CAMTA1: variants seen among roughly 807,000 people sequenced by gnomAD.
The protein encoded by CAMTA1 is calmodulin binding transcription activator 1, also known as calmodulin-binding transcription activator 1.
CAMTA1 carries 27 observed loss-of-function variants against 170.9 expected under a neutral mutation model. The ratio of observed to expected loss-of-function variants is 0.16; its 90% confidence interval spans 0.12 to 0.22. The LOEUF is 0.22. CAMTA1 is among the 10% of genes least tolerant of loss of function. The probability of loss-of-function intolerance (pLI) is 1.00; values close to 1 mark genes in which losing one functional copy is unlikely to be tolerated. For missense variants in CAMTA1, 1,619 were observed against 2,217.2 expected (o/e 0.73, Z 5.42); for synonymous variants, 833 against 891.5 (o/e 0.93, Z 1.17).
intron 7 of CAMTA1, among the ~76,000 whole-genome samples, chr1:7,654,754 T>TACCC (rs1553235333): frequency 7.4e-6 from 1 of 135,232 alleles, no homozygotes; most frequent in African/African-American, 2.9e-5. Flanking sequence ...CACACACATA[T>TACCC]ACAAACACAC....
At chr1:7,059,789 G>C (rs1707928534) in intron 3 of CAMTA1, among the ~76,000 whole-genome samples, 4 of 152,124 alleles carry the variant, frequency 2.6e-5, no homozygotes, top group Admixed American at 2.0e-4. Context: ...GAATAGAAAT[G>C]GTGGTATTTA....
chr1:7,116,873 C>T (rs1573191984), intron 4 of CAMTA1, among the ~76,000 whole-genome samples: 1 of 151,610 alleles, frequency 6.6e-6, no homozygotes, highest in Non-Finnish European at 1.5e-5. Flanking sequence ...AGGATGGTCT[C>T]GATCTCCTGA....
At chr1:7,068,050 C>A (rs1268547307) in intron 3 of CAMTA1, among the ~76,000 whole-genome samples, 1 of 152,188 alleles carries the variant, frequency 6.6e-6, no homozygotes, top group Admixed American at 6.5e-5. Context: ...AGAGAAGGAA[C>A]CCAGCTGACA....
In CAMTA1 at chr1:7,682,408, G is replaced by T. The variant is rs191233170; in HGVS notation, c.2914+4675G>T. 6.6e-6 allele frequency among the ~76,000 whole-genome samples: 1 copy of T among 152,348 alleles called. No individual in the cohort carries two copies. Among genetic ancestry groups the T allele is most frequent in the East Asian group, 1.9e-4 (1 of 5,174 alleles). ...TCGCTCCTGTCTAAGCAAGTGGAGAGAAGGAAAGGCCTCTTGGTTTGGCCT... is the reference window on the plus strand; with the variant it reads ...TCGCTCCTGTCTAAGCAAGTGGAGATAAGGAAAGGCCTCTTGGTTTGGCCT... On this transcript the variant is annotated intron_variant, in intron 11 of 22. Transcript: ENST00000303635. This position sits in a 1 kb window ranked among gnomAD's most constrained non-coding sequence, Gnocchi z 5.0.
At chr1:6,839,153 C>T (rs1339975233) in intron 3 of CAMTA1, among the ~76,000 whole-genome samples, 2 of 151,978 alleles carry the variant, frequency 1.3e-5, no homozygotes, top group African/African-American at 2.4e-5. Context: ...GAGGCTGAGG[C>T]GGGCAGATCA....
At chr1:7,675,843 G>A (rs1050637512) in intron 10 of CAMTA1, among the ~76,000 whole-genome samples, 3 of 152,164 alleles carry the variant, frequency 2.0e-5, no homozygotes, top group Non-Finnish European at 2.9e-5. Context: ...GCAGGAGCAG[G>A]GCTGCTGGGC....
chr1:7,634,493 A>G lies in CAMTA1; in HGVS notation c.511-5907A>G, dbSNP rs534700183. ...GGCAGGTAGGCAAGAGAGGAGAGGT[A>G]GGCTGGAGAGGGAAATCTGGGTGTC... On this transcript the variant is annotated intron_variant, in intron 6 of 22. Transcript: ENST00000303635. The surrounding 1 kb of genome is among the most constrained non-coding windows in gnomAD (Gnocchi z 6.2). Among the ~76,000 whole-genome samples, 1 of 152,074 alleles carries G rather than the reference A, an allele frequency of 6.6e-6. No individual in the cohort carries two copies. The highest frequency in any genetic ancestry group is 1.5e-5 in the Non-Finnish European group (1 of 67,964).
Position 7,067,396 on chromosome 1 carries a change from CAA to C in CAMTA1, c.235-23907_235-23906del, listed in dbSNP as rs1175566104. 1.3e-5 allele frequency among the ~76,000 whole-genome samples: 2 copies of C among 151,236 alleles called. No individual in the cohort carries two copies. Among genetic ancestry groups the C allele is most frequent in the African/African-American group, 4.9e-5 (2 of 40,760 alleles). On this transcript the variant is annotated intron_variant, in intron 3 of 22. Transcript: ENST00000303635. The surrounding 1 kb of genome is among the most constrained non-coding windows in gnomAD (Gnocchi z 4.3). Reference sequence around the variant, plus strand: ...TTCTTTAAACAGGCTTCAATGCAACCAATTAGGTTCTTACTTGCTGAATTCTT... The same window carrying C: ...TTCTTTAAACAGGCTTCAATGCAACCTTAGGTTCTTACTTGCTGAATTCTT...
chr1:7,120,944 G>A (rs149329606), intron 4 of CAMTA1, among the ~76,000 whole-genome samples: 198 of 152,306 alleles, frequency 1.3e-3, no homozygotes, highest in East Asian at 3.7e-3. Flanking sequence ...AAAGAGAGTC[G>A]GCCTTCAGCA....
intron 3 of CAMTA1, among the ~76,000 whole-genome samples, chr1:7,042,435 G>A (rs1396319232): frequency 6.6e-6 from 1 of 152,202 alleles, no homozygotes. Context: ...GCCTCTCCCT[G>A]TTCAGCCCTG....
chr1:7,380,442 C>T (rs549910106), intron 5 of CAMTA1, among the ~76,000 whole-genome samples: 2 of 152,166 alleles, frequency 1.3e-5, no homozygotes, highest in Admixed American at 6.5e-5. Flanking sequence ...GGCGTGGTAG[C>T]GCATGCCTGT....
intron 18 of CAMTA1, among the ~76,000 whole-genome samples, chr1:7,746,599 G>A (rs565956919): frequency 1.3e-5 from 2 of 152,258 alleles, no homozygotes; most frequent in African/African-American, 2.4e-5. Context: ...AGGCCAGGGC[G>A]GGAATGGGGC....
intron 5 of CAMTA1, among the ~76,000 whole-genome samples, chr1:7,321,201 C>A (rs1456704253): frequency 6.6e-6 from 1 of 152,212 alleles, no homozygotes; most frequent in African/African-American, 2.4e-5. Context: ...ATGGAAGTGA[C>A]TGTCATCAGC....
intron 6 of CAMTA1, among the ~76,000 whole-genome samples, chr1:7,568,198 AT>A (rs2095067760): frequency 6.6e-6 from 1 of 151,486 alleles, no homozygotes; most frequent in African/African-American, 2.4e-5. Context: ...CAACATCACC[AT>A]CATCATCACC....
At position 7,642,335 on chromosome 1, in the gene CAMTA1, G is replaced by T. The variant is rs989329434; in HGVS notation, c.664+1782G>T. 6.6e-6 allele frequency among the ~76,000 whole-genome samples: 1 copy of T among 152,208 alleles called. No homozygotes were observed. The highest frequency in any genetic ancestry group is 1.5e-5 in the Non-Finnish European group (1 of 68,030). ...CCTGGAAATAGCCCTGGAATGGTGG[G>T]GGGGAAGGGACCTGCCCAGGGTCCT... On this transcript the variant is annotated intron_variant, in intron 7 of 22. Transcript: ENST00000303635. The surrounding 1 kb of genome is among the most constrained non-coding windows in gnomAD (Gnocchi z 6.3).
At chr1:6,902,066 C>CAA (rs753157406) in intron 3 of CAMTA1, among the ~76,000 whole-genome samples, 4 of 125,182 alleles carry the variant, frequency 3.2e-5, no homozygotes, top group African/African-American at 9.8e-5. Context: ...CACACACACA[C>CAA]ACACACAAAA....
At chr1:7,389,997 T>C (rs2088507836) in intron 5 of CAMTA1, among the ~76,000 whole-genome samples, 1 of 152,154 alleles carries the variant, frequency 6.6e-6, no homozygotes, top group African/African-American at 2.4e-5. Context: ...ACAATAACTT[T>C]TACAGCCTGG....
At chr1:7,099,777 G>T (rs900202095) in intron 4 of CAMTA1, among the ~76,000 whole-genome samples, 2 of 152,182 alleles carry the variant, frequency 1.3e-5, no homozygotes, top group African/African-American at 4.8e-5. Flanking sequence ...GTTTGAGCTG[G>T]CCTGGCTGCT....
intron 22 of CAMTA1, among the ~76,000 whole-genome samples, chr1:7,758,866 C>T (rs1485530544): frequency 1.4e-5 from 2 of 138,206 alleles, no homozygotes; most frequent in East Asian, 2.3e-4. Flanking sequence ...ATCCGGGAGG[C>T]GGAGCTTGCA....
Sources: allele counts gnomAD v4.1 joint callset (sites outside exome capture counted in the v4.1 genomes callset), GRCh38; gene constraint gnomAD v4.1.1; non-coding constraint Gnocchi (gnomAD v3.1); transcripts MANE v1.5; gene names NCBI Gene and HGNC (gene_info 2026-07-23, HGNC 2026-07-21).